Variants in SPIDR observed in about 807,000 individuals in gnomAD.
SPIDR encodes scaffold protein involved in DNA repair.
A neutral mutation model predicts 104.6 loss-of-function variants in SPIDR; 93 were observed. The observed-to-expected ratio is 0.89, with a 90% CI of 0.75 to 1.06. The LOEUF (loss-of-function observed/expected upper bound fraction) is 1.06. SPIDR is among the 50% of genes least tolerant of loss of function. The pLI is 0.00. For synonymous variants in SPIDR, 431 were observed against 416.9 expected (o/e 1.03, Z -0.41); for missense variants, 1,154 against 1,111.2 (o/e 1.04, Z -0.55).
intron 5 of SPIDR, among the ~76,000 whole-genome samples, chr8:47,376,095 C>CT (rs1554642179): frequency 1.3e-5 from 2 of 152,156 alleles, no homozygotes; most frequent in Non-Finnish European, 1.5e-5. Flanking sequence ...GTTAGACACA[C>CT]TTTGAGGTCT....
intron 7 of SPIDR, among the ~76,000 whole-genome samples, chr8:47,434,549 G>A (rs890876882): frequency 4.6e-5 from 7 of 152,168 alleles, no homozygotes; most frequent in African/African-American, 1.7e-4. Flanking sequence ...TTGGAAAATG[G>A]ACAACTTAAC....
chr8:47,710,116 G>A (rs2081642577), intron 14 of SPIDR, among the ~76,000 whole-genome samples: 1 of 152,094 alleles, frequency 6.6e-6, no homozygotes, highest in Non-Finnish European at 1.5e-5. Flanking sequence ...GACCTCAAGT[G>A]ATCCACCCGC....
intron 5 of SPIDR, among the ~76,000 whole-genome samples, chr8:47,377,254 A>T (rs1750383785): frequency 6.6e-6 from 1 of 152,236 alleles, no homozygotes; most frequent in African/African-American, 2.4e-5. Flanking sequence ...ATCTCACTGT[A>T]CTGAAATGAT....
chr8:47,461,008 G>A (rs1489340611), intron 8 of SPIDR, among the ~76,000 whole-genome samples: 1 of 152,118 alleles, frequency 6.6e-6, no homozygotes, highest in African/African-American at 2.4e-5. Flanking sequence ...TAACTTGTAG[G>A]GTGTCTGCTG....
At chr8:47,664,601 C>T (rs950010990) in intron 10 of SPIDR, among the ~76,000 whole-genome samples, 2 of 151,914 alleles carry the variant, frequency 1.3e-5, no homozygotes, top group Non-Finnish European at 2.9e-5. Flanking sequence ...ACAAAGAATT[C>T]GTGGACTTGA....
chr8:47,551,327 A>G (rs972069885), intron 8 of SPIDR, among the ~76,000 whole-genome samples: 3 of 152,232 alleles, frequency 2.0e-5, no homozygotes, highest in Non-Finnish European at 4.4e-5. Flanking sequence ...ATTGATGTGA[A>G]TAGTTTCAGA....
chr8:47,411,927 C>G lies in SPIDR; in HGVS notation c.877+3966C>G, dbSNP rs149829425. ...TAAATAAGGATTCCTTTCCCCATTT[C>G]TTGTTTTTGTCAGCTTTGTCAAAGA... On this transcript the variant is annotated intron_variant, in intron 7 of 19. Coordinates refer to ENST00000297423, the MANE Select transcript of SPIDR (RefSeq NM_001080394.4). Among the ~76,000 whole-genome samples, 197 of 152,256 alleles carry G rather than the reference C, an allele frequency of 1.3e-3. 3 individuals carry two copies. Among genetic ancestry groups the G allele is most frequent in the Non-Finnish European group, 3.1e-4 (21 of 68,022 alleles).
chr8:47,477,578 T>G (rs1554724448), intron 8 of SPIDR, among the ~76,000 whole-genome samples: 1 of 152,214 alleles, frequency 6.6e-6, no homozygotes, highest in Admixed American at 6.5e-5. Context: ...AGAAATCTAG[T>G]CCTGGAATAT....
chr8:47,290,822 T>C (rs994036017), intron 3 of SPIDR, among the ~76,000 whole-genome samples: 7 of 152,352 alleles, frequency 4.6e-5, no homozygotes, highest in Non-Finnish European at 1.0e-4. Flanking sequence ...GTTCTACTTC[T>C]TTTTCTTCTT....
intron 10 of SPIDR, among the ~76,000 whole-genome samples, chr8:47,609,838 A>C (rs938173829): frequency 6.6e-6 from 1 of 152,186 alleles, no homozygotes; most frequent in East Asian, 1.9e-4. Context: ...ATAATATGAA[A>C]ACTGCTGTGA....
chr8:47,628,965 T>C (rs2066628348), intron 10 of SPIDR, among the ~76,000 whole-genome samples: 1 of 152,214 alleles, frequency 6.6e-6, no homozygotes, highest in Admixed American at 6.5e-5. Flanking sequence ...TTAATTTATT[T>C]GCAAAAATGA....
At chr8:47,403,030 G>A (rs1412736356) in intron 6 of SPIDR, among the ~76,000 whole-genome samples, 2 of 152,144 alleles carry the variant, frequency 1.3e-5, no homozygotes, top group African/African-American at 2.4e-5. Context: ...TCATCCCTGG[G>A]ATGCAAGGGT....
chr8:47,299,894 A>T (rs1432968725), intron 5 of SPIDR, among the ~76,000 whole-genome samples: 141 of 152,136 alleles, frequency 9.3e-4, no homozygotes, highest in African/African-American at 3.3e-3. Flanking sequence ...TTCATCAGGG[A>T]TATTGGTCTA....
intron 8 of SPIDR, among the ~76,000 whole-genome samples, chr8:47,460,577 A>G (rs1586084150): frequency 6.6e-6 from 1 of 152,282 alleles, no homozygotes; most frequent in Non-Finnish European, 1.5e-5. Flanking sequence ...AAGTCTCTTG[A>G]AAGCAGCAGA....
intron 8 of SPIDR, among the ~76,000 whole-genome samples, chr8:47,525,773 C>CAAA (rs748970837): frequency 1.8e-5 from 2 of 109,036 alleles, no homozygotes; most frequent in Non-Finnish European, 2.0e-5. Flanking sequence ...GACCCTGCCT[C>CAAA]AAAAAAAAAA....
chr8:47,533,353 G>A (rs991239603), intron 8 of SPIDR, among the ~76,000 whole-genome samples: 3 of 152,042 alleles, frequency 2.0e-5, no homozygotes, highest in Admixed American at 6.6e-5. Flanking sequence ...TACCATCCTC[G>A]ACATAGGAAT....
At chr8:47,317,515 C>T (rs2045611582) in intron 5 of SPIDR, among the ~76,000 whole-genome samples, 1 of 152,100 alleles carries the variant, frequency 6.6e-6, no homozygotes, top group Non-Finnish European at 1.5e-5. Flanking sequence ...CTGTAGACTC[C>T]ACCTCTGGAG....
intron 8 of SPIDR, among the ~76,000 whole-genome samples, chr8:47,470,134 A>G (rs2075464517): frequency 6.6e-6 from 1 of 152,300 alleles, no homozygotes; most frequent in South Asian, 2.1e-4. Flanking sequence ...AGGACTCACA[A>G]TTCCTGATTT....
chr8:47,735,101 TGTGTGTGTGG>T (rs1325457857), intron 19 of SPIDR, among the ~76,000 whole-genome samples, 196 bp from the exon 20 acceptor site: 8 of 144,924 alleles, frequency 5.5e-5, no homozygotes, highest in South Asian at 2.2e-4. Flanking sequence ...TGTGGGTGTG[TGTGTGTGTGG>T]GTGTGTGTGT....
Sources: allele counts gnomAD v4.1 joint callset (sites outside exome capture counted in the v4.1 genomes callset), GRCh38; gene constraint gnomAD v4.1.1; transcripts MANE v1.5; gene names NCBI Gene and HGNC (gene_info 2026-07-23, HGNC 2026-07-21).